DCAF5: variants seen among roughly 807,000 people sequenced by gnomAD.
DCAF5 encodes DDB1- and CUL4-associated factor 5.
Under a neutral mutation model 80.7 loss-of-function variants are expected in DCAF5, and 9 were observed. The observed-to-expected ratio is 0.11, with a 90% CI of 0.07 to 0.19. DCAF5 has a LOEUF of 0.19. DCAF5 is among the 10% of genes least tolerant of loss of function. DCAF5 has a pLI of 1.00. For missense variants in DCAF5, 842 were observed against 1,205.7 expected, an observed-to-expected ratio of 0.70 and a Z score of 4.47; for synonymous variants, 433 against 461.9, an observed-to-expected ratio of 0.94 and a Z score of 0.80.
At chr14:69,072,017 G>A (rs1437579517) in intron 7 of DCAF5, among the ~76,000 whole-genome samples, 1 of 152,130 alleles carries the variant, frequency 6.6e-6, no homozygotes, top group African/African-American at 2.4e-5. Flanking sequence ...GACCCAAAGA[G>A]GTTTTAGATT....
At chr14:69,091,583 C>T (rs2039535285) in intron 6 of DCAF5, 91 bp downstream of exon 6, 1 of 1,181,662 alleles carries the variant, frequency 8.5e-7, no homozygotes. Context: ...TTCTACCTGA[C>T]ATAATGGTAA....
Position 69,152,241 on chromosome 14 carries a change from C to A in DCAF5, c.214+524G>T, listed in dbSNP as rs2041729915. Among the ~76,000 whole-genome samples, 1 of 152,140 alleles carries A rather than the reference C, an allele frequency of 6.6e-6. No individual in the cohort carries two copies. On this transcript the variant is annotated intron_variant, in intron 1 of 8. Coordinates refer to ENST00000341516, the MANE Select transcript of DCAF5 (RefSeq NM_003861.3). This position sits in a 1 kb window ranked among gnomAD's most constrained non-coding sequence, Gnocchi z 4.1. ...CCAGTCACTTCCCCTCTGCAGACCCCGCCAGCCCCCGGGTCGCAGCCCCCG... is the reference window on the plus strand; with the variant it reads ...CCAGTCACTTCCCCTCTGCAGACCCAGCCAGCCCCCGGGTCGCAGCCCCCG...
At chr14:69,115,101 G>A (rs2040500543) in intron 5 of DCAF5, among the ~76,000 whole-genome samples, 1 of 152,202 alleles carries the variant, frequency 6.6e-6, no homozygotes, top group South Asian at 2.1e-4. Flanking sequence ...TAAAGAGCCT[G>A]AAGTAGCAGA....
At chr14:69,091,271 C>G (rs1480019587) in intron 6 of DCAF5, 7 of 666,916 alleles carry the variant, frequency 1.0e-5, no homozygotes, top group Non-Finnish European at 1.6e-5. Context: ...ATACATGTCT[C>G]TTGGATGGTA....
chr14:69,091,903 C>A lies in DCAF5; in HGVS notation c.666-16G>T. Reference sequence around the variant, plus strand: ...CAGGAGAGAACTGGAAGGCACAAGGCACAGGAATCAGGCATGAGATAGGCT... The same window carrying A: ...CAGGAGAGAACTGGAAGGCACAAGGAACAGGAATCAGGCATGAGATAGGCT... On this transcript the variant is annotated splice_polypyrimidine_tract_variant and intron_variant, in intron 5 of 8. Transcript: ENST00000341516. 6.3e-7 allele frequency: 1 copy of A among 1,598,818 alleles called. No individual in the cohort carries two copies. The highest frequency in any genetic ancestry group is 1.3e-5 in the African/African-American group (1 of 74,776).
Position 69,090,070 on chromosome 14 carries a change from T to A in DCAF5, c.879+1604A>T, listed in dbSNP as rs147476792. 2.5e-4 allele frequency: 245 copies of A among 985,304 alleles called. 1 individual carries two copies. In the African/African-American group the frequency reaches 4.0e-3, roughly 16 times the overall value. The allele number at this position is 985,304 out of a possible 1,614,324, so 61.0% of individuals were successfully genotyped here. ...TCTGGTTTCTGGAAATAAAGCCTAGTAAACTATTAATATCACCTTCACTGC... is the reference window on the plus strand; with the variant it reads ...TCTGGTTTCTGGAAATAAAGCCTAGAAAACTATTAATATCACCTTCACTGC... On this transcript the variant is annotated intron_variant, in intron 6 of 8. Coordinates refer to ENST00000341516, the MANE Select transcript of DCAF5 (RefSeq NM_003861.3).
intron 1 of DCAF5, among the ~76,000 whole-genome samples, chr14:69,130,839 C>T (rs1313189944): frequency 6.6e-6 from 1 of 152,178 alleles, no homozygotes; most frequent in South Asian, 2.1e-4. Flanking sequence ...GAAGTGCAAG[C>T]TCTGGAATAA....
chr14:69,053,953 C>T lies in DCAF5; in HGVS notation c.2733G>A (p.Arg911=). 6.2e-7 allele frequency: 1 copy of T among 1,613,194 alleles called. No homozygotes were observed. The highest frequency in any genetic ancestry group is 1.3e-5 in the African/African-American group (1 of 74,992). Residue 911 remains arginine, a synonymous_variant, in exon 9 of 9, where the codon AGG becomes AGA. Coordinates refer to ENST00000341516, the MANE Select transcript of DCAF5 (RefSeq NM_003861.3). The part of the protein sequence containing the change: ...PTDTPATDSS[R]AVHGHSGLKR... ...TGAGGCCACTGTGGCCATGAACAGC[C>T]CTGCTACTATCTGTGGCTGGGGTGT... is the stretch of plus-strand genomic sequence containing the variant.
chr14:69,065,930 C>A (rs1393195341), intron 7 of DCAF5, among the ~76,000 whole-genome samples: 1 of 152,060 alleles, frequency 6.6e-6, no homozygotes, highest in Non-Finnish European at 1.5e-5. Context: ...TGGGTAAGGG[C>A]CCAGGTAAGG....
chr14:69,150,426 C>T lies in DCAF5; in HGVS notation c.214+2339G>A, dbSNP rs2041664367. The stretch of plus-strand genomic sequence containing the variant: ...GCTAAAATTAAGATAAAGGAAATGA[C>T]CTGGCCAAGACTAGAGAAAATAGAG... On this transcript the variant is annotated intron_variant, in intron 1 of 8. Coordinates refer to ENST00000341516, the MANE Select transcript of DCAF5 (RefSeq NM_003861.3). 2.0e-5 allele frequency among the ~76,000 whole-genome samples: 3 copies of T among 151,470 alleles called. No individual in the cohort carries two copies. The South Asian group carries it at 6.3e-4, about 32-fold the overall frequency.
At chr14:69,111,350 T>C (rs1311666603) in intron 5 of DCAF5, among the ~76,000 whole-genome samples, 12 of 152,198 alleles carry the variant, frequency 7.9e-5, no homozygotes, top group African/African-American at 2.2e-4. Context: ...TCATTGCCCA[T>C]TTTCAGATGT....
intron 6 of DCAF5, among the ~76,000 whole-genome samples, chr14:69,082,499 A>G (rs1055791085): frequency 5.9e-5 from 9 of 152,192 alleles, no homozygotes; most frequent in Admixed American, 5.9e-4. Flanking sequence ...AGCCAATAAC[A>G]GTCAAATAAT....
At position 69,054,194 on chromosome 14, in the gene DCAF5, T is replaced by A. The variant is rs1482605832; in HGVS notation, c.2492A>T (p.Asn831Ile). ...EERSLETICA[N>I]HNNGRLHPRP... ...AGGGTGTAAGCGTCCATTGTTGTGG[T>A]TGGCACAGATGGTTTCGAGGCTCCT... The change falls in exon 9 of 9, where the codon AAC (asparagine) becomes ATC (isoleucine). Residue 831 changes from asparagine to isoleucine, a missense_variant. Coordinates refer to ENST00000341516, the MANE Select transcript of DCAF5 (RefSeq NM_003861.3). The A allele has an allele frequency of 2.5e-6, 4 of 1,614,238 alleles. No individual in the cohort carries two copies. In the Admixed American group the frequency reaches 5.0e-5, roughly 20 times the overall value.
chr14:69,109,301 G>A (rs371994449), intron 5 of DCAF5, among the ~76,000 whole-genome samples: 5 of 149,664 alleles, frequency 3.3e-5, no homozygotes, highest in African/African-American at 9.9e-5. Context: ...TTGAGATCGC[G>A]CCACTCTAGC....
intron 5 of DCAF5, among the ~76,000 whole-genome samples, chr14:69,099,848 G>A (rs931392623): frequency 6.6e-6 from 1 of 152,106 alleles, no homozygotes; most frequent in Non-Finnish European, 1.5e-5. Flanking sequence ...TCAGAAGGCT[G>A]AGGTGGGAGG....
chr14:69,054,497 T>C lies in DCAF5; in HGVS notation c.2189A>G (p.Lys730Arg), dbSNP rs761796871. ...NQDLPPEGCSKDTFKEETPRT... is the reference protein window; with the variant it reads ...NQDLPPEGCSRDTFKEETPRT... The stretch of plus-strand genomic sequence containing the variant: ...AGGAGTCTCTTCTTTAAAAGTGTCC[T>C]TGCTGCAGCCTTCAGGTGGCAGGTC... Residue 730 changes from lysine to arginine, a missense_variant, in exon 9 of 9, where the codon AAG becomes AGG. By Grantham distance (26) the Lys-to-Arg change is conservative (BLOSUM62 2). Around this residue, in one of 5 missense-constraint regions of DCAF5, gnomAD observed 607 missense variants for 656.6 expected, o/e 0.92. Transcript: ENST00000341516. 3 of 1,614,146 alleles carry C rather than the reference T, an allele frequency of 1.9e-6. No homozygotes were observed. The highest frequency in any genetic ancestry group is 3.3e-5 in the Admixed American group (2 of 60,018).
chr14:69,111,694 C>A (rs953659423), intron 5 of DCAF5, among the ~76,000 whole-genome samples: 1 of 152,056 alleles, frequency 6.6e-6, no homozygotes, highest in African/African-American at 2.4e-5. Context: ...CTGCAACAGC[C>A]CAAGATAGAT....
chr14:69,121,610 G>T (rs2040719716), intron 2 of DCAF5, among the ~76,000 whole-genome samples: 1 of 152,200 alleles, frequency 6.6e-6, no homozygotes, highest in Non-Finnish European at 1.5e-5. Context: ...CTTGGTTTTA[G>T]ATCTATTGTA....
At chr14:69,082,964 CCT>C (rs1166305146) in intron 6 of DCAF5, among the ~76,000 whole-genome samples, 1 of 152,164 alleles carries the variant, frequency 6.6e-6, no homozygotes, top group African/African-American at 2.4e-5. Context: ...ACTGCCATGT[CCT>C]GTCACCAGAT....
Sources: gnomAD v4.1 joint callset for allele counts (sites outside exome capture counted in the v4.1 genomes callset) on GRCh38, gnomAD v4.1.1 for gene constraint, gnomAD v4.1.1 regional missense constraint, Gnocchi (gnomAD v3.1) non-coding constraint, MANE v1.5 for transcripts, NCBI Gene and HGNC (gene_info 2026-07-23, HGNC 2026-07-21) for gene names.